Variants in CCSER1 observed in about 807,000 individuals in gnomAD.
CCSER1 encodes the protein coiled-coil serine rich protein 1.
A neutral mutation model predicts 82.0 loss-of-function variants in CCSER1; 41 were observed. The ratio of observed to expected loss-of-function variants is 0.50; its 90% CI spans 0.39 to 0.65. The LOEUF (loss-of-function observed/expected upper bound fraction) is 0.65, where lower values mean the gene tolerates loss of function less well. CCSER1 is among the 30% of genes least tolerant of loss of function. CCSER1 has a pLI of 0.00. For synonymous variants in CCSER1, 414 were observed against 383.9 expected (o/e 1.08, Z -0.92); for missense variants, 1,119 against 1,064.2 (o/e 1.05, Z -0.72).
At chr4:90,650,351 A>G (rs4693244) in intron 6 of CCSER1, among the ~76,000 whole-genome samples, 52,007 of 152,102 alleles carry the variant, frequency 0.34, 9,319 homozygotes, top group East Asian at 0.49. Flanking sequence ...AAAAAAAAGA[A>G]AGCTTGTGGG....
At chr4:90,819,995 G>A (rs985408395) in intron 8 of CCSER1, among the ~76,000 whole-genome samples, 6 of 152,192 alleles carry the variant, frequency 3.9e-5, no homozygotes, top group African/African-American at 7.2e-5. Flanking sequence ...GAGGAAACTA[G>A]TTCACAGCAT....
At chr4:91,299,781 G>GTT (rs372879380) in intron 10 of CCSER1, among the ~76,000 whole-genome samples, 2 of 141,492 alleles carry the variant, frequency 1.4e-5, no homozygotes, top group South Asian at 2.3e-4. Context: ...CTACCTGAAA[G>GTT]TTTTTTTTTT....
At chr4:90,538,298 A>C (rs1471566054) in intron 5 of CCSER1, among the ~76,000 whole-genome samples, 1 of 152,040 alleles carries the variant, frequency 6.6e-6, no homozygotes, top group Non-Finnish European at 1.5e-5. Flanking sequence ...TCTCTATATA[A>C]GATATGCTTG....
rs917420693 is a variant in CCSER1 at position 90,902,450 on chromosome 4, A to G, written c.2095-20920A>G. Among the ~76,000 whole-genome samples, 4 of 151,750 alleles carry G rather than the reference A, an allele frequency of 2.6e-5. No individual in the cohort carries two copies. The East Asian group carries it at 5.8e-4, about 22-fold the overall frequency. ...TATTTTTGTTTTTGCTATCATTTGG[A>G]TGGAAGATTTTTTTTTGTATTCCTT... is the stretch of plus-strand genomic sequence containing the variant. On this transcript the variant is annotated intron_variant, in intron 8 of 10. Coordinates refer to ENST00000509176, the MANE Select transcript of CCSER1 (RefSeq NM_001145065.2).
At chr4:91,015,425 CAGAA>C (rs1248617320) in intron 9 of CCSER1, 9 of 151,852 alleles carry the variant, frequency 5.9e-5, no homozygotes, top group Non-Finnish European at 1.3e-4. Context: ...TTTAAATAAA[CAGAA>C]GGAAGAAAGG....
At chr4:90,765,404 A>ATT (rs922012477) in intron 7 of CCSER1, among the ~76,000 whole-genome samples, 4 of 152,022 alleles carry the variant, frequency 2.6e-5, no homozygotes, top group Admixed American at 2.6e-4. Context: ...CCTAATATGG[A>ATT]TTTTCTTTAA....
intron 7 of CCSER1, among the ~76,000 whole-genome samples, chr4:90,777,589 G>A (rs1277107880): frequency 6.6e-6 from 1 of 152,008 alleles, no homozygotes; most frequent in Admixed American, 6.6e-5. Context: ...ACTTAACTGT[G>A]TGACTTTGAA....
intron 10 of CCSER1, among the ~76,000 whole-genome samples, chr4:91,490,273 G>A (rs1758446889): frequency 6.6e-6 from 1 of 152,116 alleles, no homozygotes; most frequent in Admixed American, 6.6e-5. Context: ...ACAGTATATG[G>A]AAGAGATATC....
chr4:91,103,362 TCAC>T (rs1203982568), intron 10 of CCSER1, among the ~76,000 whole-genome samples: 1 of 152,164 alleles, frequency 6.6e-6, no homozygotes, highest in African/African-American at 2.4e-5. Context: ...TTCCCAGTGA[TCAC>T]CACATCCTCA....
At chr4:90,759,241 T>A (rs1750057152) in intron 7 of CCSER1, among the ~76,000 whole-genome samples, 1 of 152,220 alleles carries the variant, frequency 6.6e-6, no homozygotes, top group Non-Finnish European at 1.5e-5. Context: ...TCTTATGTGT[T>A]TCTCTAATAG....
In CCSER1 at chr4:91,600,178, A is replaced by T. The variant is rs1764756820; in HGVS notation, c.*1121A>T. The T allele has an allele frequency of 6.6e-6, 1 of 152,136 alleles. No individual in the cohort carries two copies. The highest frequency in any genetic ancestry group is 1.5e-5 in the Non-Finnish European group (1 of 68,006). 9.4% of individuals were successfully genotyped at this position (152,136 alleles called of 1,614,324 possible). A position where few individuals can be genotyped will look rare whatever the true frequency, so the allele number is the denominator to read the frequency against. ...CTTCTAACAGGAATATTTAAAACCC[A>T]TTTGATGGCAAATATTTCTCTTTGA... is the stretch of plus-strand genomic sequence containing the variant. On this transcript the variant is annotated 3_prime_UTR_variant, in exon 11 of 11. Transcript: ENST00000509176.
intron 5 of CCSER1, among the ~76,000 whole-genome samples, chr4:90,625,886 G>C (rs543745502): frequency 2.0e-5 from 3 of 152,234 alleles, no homozygotes; most frequent in East Asian, 3.9e-4. Flanking sequence ...ATTCAAATTT[G>C]TGAATGTTAA....
At chr4:90,958,636 A>G (rs1733758402) in intron 9 of CCSER1, among the ~76,000 whole-genome samples, 1 of 151,970 alleles carries the variant, frequency 6.6e-6, no homozygotes. Flanking sequence ...CCCTTGGGAG[A>G]TAATTAGGAT....
chr4:91,026,856 A>G (rs1468682585), intron 9 of CCSER1, among the ~76,000 whole-genome samples: 1 of 152,100 alleles, frequency 6.6e-6, no homozygotes. Flanking sequence ...GGTATGGCTT[A>G]TTAGGCAGTG....
At chr4:91,129,639 A>G (rs953877391) in intron 10 of CCSER1, among the ~76,000 whole-genome samples, 1 of 151,982 alleles carries the variant, frequency 6.6e-6, no homozygotes, top group Non-Finnish European at 1.5e-5. Flanking sequence ...TTGAAATGAA[A>G]CACAGCCATT....
At chr4:90,285,379 G>T (rs80298473) in intron 1 of CCSER1, among the ~76,000 whole-genome samples, 2,373 of 151,626 alleles carry the variant, frequency 0.016, 39 homozygotes, top group African/African-American at 0.047. Context: ...TTTACTTGTA[G>T]GTATTTAATT....
chr4:90,179,951 C>A (rs1733410179), intron 1 of CCSER1, among the ~76,000 whole-genome samples: 1 of 151,776 alleles, frequency 6.6e-6, no homozygotes, highest in Non-Finnish European at 1.5e-5. Flanking sequence ...AATGAATAAG[C>A]AATAAGTAAG....
At chr4:91,111,173 G>A (rs1306805385) in intron 10 of CCSER1, among the ~76,000 whole-genome samples, 1 of 151,588 alleles carries the variant, frequency 6.6e-6, no homozygotes, top group Non-Finnish European at 1.5e-5. Context: ...TGCATTATGG[G>A]GCAAACTCAG....
intron 10 of CCSER1, among the ~76,000 whole-genome samples, chr4:91,422,606 T>C (rs1210317563): frequency 2.0e-5 from 3 of 152,186 alleles, no homozygotes; most frequent in African/African-American, 4.8e-5. Context: ...TTTCAAAATA[T>C]TTCTAACTAA....
Sources: allele counts gnomAD v4.1 joint callset (sites outside exome capture counted in the v4.1 genomes callset), GRCh38; gene constraint gnomAD v4.1.1; transcripts MANE v1.5; gene names NCBI Gene and HGNC (gene_info 2026-07-23, HGNC 2026-07-21).